The following ITGA7 variants were observed in gnomAD, a reference collection of about 807,000 sequenced individuals.
ITGA7 encodes the protein integrin subunit alpha 7.
A neutral mutation model predicts 131.6 loss-of-function variants in ITGA7; 84 were observed. The observed-to-expected ratio is 0.64, with a 90% CI of 0.54 to 0.77. ITGA7 has a LOEUF of 0.77. Among genes scored for constraint, ITGA7 ranks in the 30% least tolerant of loss-of-function variants. The pLI is 0.00. For synonymous variants in ITGA7, 548 were observed against 600.7 expected (o/e 0.91, Z 1.28); for missense variants, 1,399 against 1,482.9 (o/e 0.94, Z 0.93).
chr12:55,701,049 C>T lies in ITGA7; in HGVS notation c.520G>A (p.Asp174Asn). The T allele has an allele frequency of 6.2e-7, 1 of 1,614,232 alleles. No individual in the cohort carries two copies. Among genetic ancestry groups the T allele is most frequent in the Non-Finnish European group, 8.5e-7 (1 of 1,180,042 alleles). Residue 174 changes from aspartate to asparagine, a missense_variant, in exon 4 of 25, where the codon GAT (aspartate) becomes AAT (asparagine). Asp to Asn is a conservative substitution (Grantham distance 23). Transcript: ENST00000257879. ...FVLSQDLAIR[D>N]ELDGGEWKFC... ...TTCCATTCCCCACCATCCAACTCAT[C>T]CCGGATGGCCAGGTCCTGGCTGAGC...
Position 55,695,724 on chromosome 12 carries a change from T to G in ITGA7, c.1888-87A>C, listed in dbSNP as rs1394941451. The G allele has an allele frequency of 2.3e-5, 21 of 899,554 alleles. No homozygotes were observed. The Admixed American group carries it at 3.7e-4, about 16-fold the overall frequency. The allele number at this position is 899,554 out of a possible 1,614,324, so 55.7% of individuals were successfully genotyped here. ...CCATGGCATATGGTGGGTTAGAGTATCACAGGATTAAACAACCTGTCCTCA... is the reference window on the plus strand; with the variant it reads ...CCATGGCATATGGTGGGTTAGAGTAGCACAGGATTAAACAACCTGTCCTCA... On this transcript the variant is annotated intron_variant, in intron 13 of 24. Transcript: ENST00000257879.
intron 1 of ITGA7, among the ~76,000 whole-genome samples, chr12:55,703,520 G>A (rs1874546425): frequency 6.6e-6 from 1 of 151,986 alleles, no homozygotes; most frequent in Admixed American, 6.6e-5. Context: ...TTCCTGAGTA[G>A]GCCTTCCCTA....
At position 55,694,932 on chromosome 12, in the gene ITGA7, C is replaced by T. The variant is rs1387208599; in HGVS notation, c.2042G>A (p.Gly681Glu). Residue 681 changes from glycine (G) to glutamate (E), a missense_variant, in exon 15 of 25, where the codon GGG becomes GAG. Gly to Glu is a moderately conservative substitution (Grantham distance 98). Coordinates refer to ENST00000257879, the MANE Select transcript of ITGA7 (RefSeq NM_002206.3). The surrounding 1 kb of genome is among the most constrained non-coding windows in gnomAD (Gnocchi z 5.3). ...DGTTALFALS[G>E]QPVIGLELMV... Reference sequence around the variant, plus strand: ...CAGCTCCAGGCCAATGACTGGCTGCCCACTCAGTGCAAACAGGGCTGTTGT... The same window carrying T: ...CAGCTCCAGGCCAATGACTGGCTGCTCACTCAGTGCAAACAGGGCTGTTGT... The T allele has an allele frequency of 1.6e-5, 26 of 1,613,888 alleles. No individual in the cohort carries two copies. In the South Asian group the frequency reaches 1.9e-4, roughly 12 times the overall value.
In ITGA7 at chr12:55,688,829, G is replaced by A. The variant is rs768792172; in HGVS notation, c.2958+15C>T. Reference sequence around the variant, plus strand: ...GGAAGAAGAAACACAGACTAGAGCCGAGTGGTATCCTCACCTCCAGAAAGG... The same window carrying A: ...GGAAGAAGAAACACAGACTAGAGCCAAGTGGTATCCTCACCTCCAGAAAGG... On this transcript the variant is annotated intron_variant, in intron 22 of 24. Transcript: ENST00000257879. 64 of 1,583,924 alleles carry A rather than the reference G, an allele frequency of 4.0e-5. No individual in the cohort carries two copies. Among genetic ancestry groups the A allele is most frequent in the Non-Finnish European group, 4.9e-5 (56 of 1,152,730 alleles).
upstream of ITGA7, chr12:55,716,334 C>T (rs1876523546): frequency 1.3e-6 from 2 of 1,481,630 alleles, no homozygotes; most frequent in African/African-American, 1.4e-5. Context: ...GAGGGAATTT[C>T]AGAGAGGCTT....
chr12:55,686,837 C>G (rs1167702992), intron 24 of ITGA7, among the ~76,000 whole-genome samples: 3 of 152,218 alleles, frequency 2.0e-5, no homozygotes, highest in Non-Finnish European at 4.4e-5. Context: ...GGAGGCCGTT[C>G]TCCGTGCTTG....
At position 55,703,302 on chromosome 12, in the gene ITGA7, G is replaced by A. The variant is rs1874480362; in HGVS notation, c.207-124C>T. 4 of 1,089,948 alleles carry A rather than the reference G, an allele frequency of 3.7e-6. No individual in the cohort carries two copies. The Admixed American group carries it at 8.2e-5, about 22-fold the overall frequency. 67.5% of individuals were successfully genotyped at this position (1,089,948 alleles called of 1,614,324 possible). The stretch of plus-strand genomic sequence containing the variant: ...GAGAGTGTTCAAGGACTAAAGAGAA[G>A]GGGCAAATGTCAGTTTTCTCAAACC... On this transcript the variant is annotated intron_variant, in intron 1 of 24. Transcript: ENST00000257879.
At chr12:55,716,069 A>G, upstream of ITGA7, 1 of 1,567,776 alleles carries the variant, frequency 6.4e-7, no homozygotes, top group Non-Finnish European at 8.6e-7. Context: ...CGGGGAGCCG[A>G]GGTGAGCGTT....
chr12:55,691,061 T>C (rs1452020621), intron 21 of ITGA7, among the ~76,000 whole-genome samples: 1 of 151,618 alleles, frequency 6.6e-6, no homozygotes, highest in Non-Finnish European at 1.5e-5. Context: ...ATGGCACATG[T>C]ATACATATGT....
At chr12:55,716,007 C>G (rs1471172462), upstream of ITGA7, 7 of 1,514,300 alleles carry the variant, frequency 4.6e-6, no homozygotes, top group Non-Finnish European at 6.2e-6. Context: ...CCCAAGGTCT[C>G]AAGAGGGCGG....
At chr12:55,696,172 G>T in intron 13 of ITGA7, 111 bp downstream of exon 13, 1 of 1,157,358 alleles carries the variant, frequency 8.6e-7, no homozygotes, top group Non-Finnish European at 1.2e-6. Context: ...AATTACTGGA[G>T]TAGCATACGT....
At chr12:55,699,820 G>A (rs558301336) in intron 5 of ITGA7, 50 bp downstream of exon 5, 2 of 1,571,508 alleles carry the variant, frequency 1.3e-6, no homozygotes, top group Non-Finnish European at 1.7e-6. Flanking sequence ...TGGGGAAGGA[G>A]GGGAGGCTGG....
At chr12:55,715,334 G>T (rs1876435105), upstream of ITGA7, among the ~76,000 whole-genome samples, 1 of 152,134 alleles carries the variant, frequency 6.6e-6, no homozygotes, top group South Asian at 2.1e-4. Context: ...ACATGTTAGT[G>T]CAAGGTGCAC....
intron 24 of ITGA7, chr12:55,686,379 A>C (rs1219397440): frequency 9.9e-7 from 1 of 1,012,614 alleles, no homozygotes; most frequent in African/African-American, 1.7e-5. Context: ...GAAGGACAGG[A>C]TCCCCTATCT....
intron 24 of ITGA7, 33 bp from the exon 25 acceptor site, chr12:55,685,321 C>G: frequency 6.3e-7 from 1 of 1,597,676 alleles, no homozygotes; most frequent in African/African-American, 1.3e-5. Context: ...CATGAGGAGC[C>G]TGAAGAGCTG....
rs1873161298 is a variant in ITGA7 at position 55,698,491 on chromosome 12, C to G, written c.1084G>C (p.Gly362Arg). The change falls in exon 7 of 25, where the codon GGG becomes CGG. Residue 362 changes from glycine to arginine, a missense_variant. Transcript: ENST00000257879. ...GGAVYVYLNQGGHWAGISPLR... is the reference protein window; with the variant it reads ...GGAVYVYLNQRGHWAGISPLR... ...GGGGAGATCCCAGCCCAGTGACCCC[C>G]CTGGTTCAAGTACACATACACAGCA... 6.2e-7 allele frequency: 1 copy of G among 1,613,940 alleles called. No homozygotes were observed. The highest frequency in any genetic ancestry group is 1.3e-5 in the African/African-American group (1 of 74,890).
intron 10 of ITGA7, 44 bp from the exon 11 acceptor site, chr12:55,697,321 G>A (rs1377903302): frequency 6.3e-7 from 1 of 1,582,160 alleles, no homozygotes; most frequent in Admixed American, 1.8e-5. Context: ...AGGCTGATGG[G>A]CCAAGGCCCC....
Position 55,699,998 on chromosome 12 carries a change from G to A in ITGA7, c.671-9C>T, listed in dbSNP as rs759306932. The stretch of plus-strand genomic sequence containing the variant: ...GGTCACAAAAAGCAACCCTGTGGGG[G>A]GTGGGGTGAGACACCAGGGAGGGGA... On this transcript the variant is annotated splice_polypyrimidine_tract_variant and intron_variant, in intron 4 of 24. Coordinates refer to ENST00000257879, the MANE Select transcript of ITGA7 (RefSeq NM_002206.3). 197 of 1,613,888 alleles carry A rather than the reference G, an allele frequency of 1.2e-4. 1 individual carries two copies. The highest frequency in any genetic ancestry group is 1.6e-4 in the Non-Finnish European group (191 of 1,179,944).
chr12:55,707,444 G>T, intron 1 of ITGA7, 33 bp downstream of exon 1: 1 of 1,559,292 alleles, frequency 6.4e-7, no homozygotes, highest in Non-Finnish European at 8.8e-7. Context: ...TGTGGCTCGG[G>T]CATGGCGACT....
Sources: gnomAD v4.1 joint callset for allele counts (sites outside exome capture counted in the v4.1 genomes callset) on GRCh38, gnomAD v4.1.1 for gene constraint, Gnocchi (gnomAD v3.1) non-coding constraint, MANE v1.5 for transcripts, NCBI Gene and HGNC (gene_info 2026-07-23, HGNC 2026-07-21) for gene names.